Variants in PKHD1L1 observed in about 807,000 individuals in gnomAD.
PKHD1L1 encodes the protein PKHD1 like 1, also known as fibrocystin-L.
A neutral mutation model predicts 462.9 loss-of-function variants in PKHD1L1; 434 were observed. The observed-to-expected ratio is 0.94, with a 90% CI of 0.87 to 1.02. The LOEUF (loss-of-function observed/expected upper bound fraction) is 1.02, where lower values mean the gene tolerates loss of function less well. Ranked by LOEUF, PKHD1L1 falls within the 50% of genes least tolerant of loss-of-function variation. The pLI, the probability that PKHD1L1 is intolerant of heterozygous loss-of-function variation, is 0.00. For synonymous variants in PKHD1L1, 1,781 were observed against 1,750.0 expected, an observed-to-expected ratio of 1.02 and a Z score of -0.44; for missense variants, 5,202 against 5,096.1, an observed-to-expected ratio of 1.02 and a Z score of -0.63.
At chr8:109,450,108 A>G (rs1388327079) in intron 40 of PKHD1L1, among the ~76,000 whole-genome samples, 1 of 152,186 alleles carries the variant, frequency 6.6e-6, no homozygotes, top group Non-Finnish European at 1.5e-5. Flanking sequence ...CAATTTTGTT[A>G]CTTACTGTGT....
intron 38 of PKHD1L1, among the ~76,000 whole-genome samples, chr8:109,446,236 TCTTCGAGCTATTAGAATG>T (rs1816130278): frequency 6.6e-6 from 1 of 152,208 alleles, no homozygotes; most frequent in Non-Finnish European, 1.5e-5. Context: ...TTTCTGATTA[TCTTCGAGCTATTAGAATG>T]CTTCGAGCTA....
At chr8:109,477,046 T>C (rs1237209495) in intron 52 of PKHD1L1, among the ~76,000 whole-genome samples, 179 bp from the exon 53 acceptor site, 1 of 152,172 alleles carries the variant, frequency 6.6e-6, no homozygotes, top group Non-Finnish European at 1.5e-5. Flanking sequence ...TCAAGATATT[T>C]TGACCGTGTA....
chr8:109,530,079 G>T lies in PKHD1L1; in HGVS notation c.12722-1G>T. 7.4e-7 allele frequency: 1 copy of T among 1,355,602 alleles called. No homozygotes were observed. Among genetic ancestry groups the T allele is most frequent in the Non-Finnish European group, 9.7e-7 (1 of 1,031,566 alleles). 84.0% of individuals were successfully genotyped at this position (1,355,602 alleles called of 1,614,324 possible). ...TGTTTTGTATTGTTTCCATTTTTCAGGAAGCTACTAAAGTGCTGTTCCGAA... is the reference window on the plus strand; with the variant it reads ...TGTTTTGTATTGTTTCCATTTTTCATGAAGCTACTAAAGTGCTGTTCCGAA... On this transcript the variant is annotated splice_acceptor_variant, in intron 77 of 77. Transcript: ENST00000378402. LOFTEE classifies it high-confidence loss of function.
intron 22 of PKHD1L1, among the ~76,000 whole-genome samples, chr8:109,419,510 G>T (rs919771821): frequency 5.3e-5 from 8 of 151,994 alleles, no homozygotes; most frequent in Non-Finnish European, 1.0e-4. Context: ...CCAGGATTTT[G>T]TTTATGGATA....
intron 18 of PKHD1L1, 58 bp downstream of exon 18, chr8:109,408,264 T>C (rs1259835768): frequency 2.9e-5 from 42 of 1,461,006 alleles, no homozygotes; most frequent in Non-Finnish European, 3.7e-5. Flanking sequence ...ACATCATTCA[T>C]GGGCCATTTG....
chr8:109,452,865 C>A lies in PKHD1L1; in HGVS notation c.6655C>A (p.Leu2219Ile). 6.9e-7 allele frequency: 1 copy of A among 1,440,218 alleles called. No homozygotes were observed. The highest frequency in any genetic ancestry group is 1.7e-5 in the South Asian group (1 of 60,288). The allele number at this position is 1,440,218 out of a possible 1,614,324, so 89.2% of individuals were successfully genotyped here. A position where few individuals can be genotyped will look rare whatever the true frequency, so the allele number is the denominator to read the frequency against. The change falls in exon 43 of 78, where the codon CTT (leucine) becomes ATT (isoleucine). Residue 2219 changes from leucine to isoleucine, a missense_variant. Leu to Ile is a conservative substitution (Grantham distance 5). Coordinates refer to ENST00000378402, the MANE Select transcript of PKHD1L1 (RefSeq NM_177531.6). Reference sequence around the variant, plus strand: ...AAGCACCCCTATTTTGAAAATGTTGCTTATTCAGGGTAAATTTCTGAATAT... The same window carrying A: ...AAGCACCCCTATTTTGAAAATGTTGATTATTCAGGGTAAATTTCTGAATAT... Reference protein sequence around the residue: ...DQSTPILKMLLIQGGTLIFDE... With the variant: ...DQSTPILKMLIIQGGTLIFDE...
intron 2 of PKHD1L1, among the ~76,000 whole-genome samples, chr8:109,380,963 T>C (rs1812079128): frequency 1.3e-5 from 2 of 152,164 alleles, no homozygotes. Flanking sequence ...AGGCTCACAG[T>C]AGGCTCTCTG....
At chr8:109,393,127 A>G (rs1387166652) in intron 9 of PKHD1L1, among the ~76,000 whole-genome samples, 1 of 152,192 alleles carries the variant, frequency 6.6e-6, no homozygotes, top group East Asian at 1.9e-4. Flanking sequence ...TTGGGAAATC[A>G]GCCAAAAGGC....
intron 6 of PKHD1L1, among the ~76,000 whole-genome samples, chr8:109,386,358 C>T (rs1812443004): frequency 6.6e-6 from 1 of 151,958 alleles, no homozygotes; most frequent in African/African-American, 2.4e-5. Context: ...TTATGGCTTT[C>T]AAGATATTTT....
At chr8:109,526,101 G>A (rs1380812128) in intron 76 of PKHD1L1, among the ~76,000 whole-genome samples, 1 of 152,068 alleles carries the variant, frequency 6.6e-6, no homozygotes, top group Non-Finnish European at 1.5e-5. Context: ...TCAAAACTGT[G>A]GGAAGATTTA....
intron 11 of PKHD1L1, among the ~76,000 whole-genome samples, chr8:109,396,638 T>A (rs1026742107): frequency 2.6e-5 from 4 of 152,240 alleles, no homozygotes; most frequent in African/African-American, 7.2e-5. Context: ...GAGTTATCTG[T>A]TTACAAATCC....
chr8:109,502,997 C>T (rs1673421), intron 67 of PKHD1L1, among the ~76,000 whole-genome samples: 2 of 151,992 alleles, frequency 1.3e-5, no homozygotes, highest in African/African-American at 2.4e-5. Flanking sequence ...AGTGGCTAAA[C>T]GCAATTCTTT....
intron 71 of PKHD1L1, among the ~76,000 whole-genome samples, chr8:109,512,737 T>C (rs1820060403): frequency 6.6e-6 from 1 of 152,188 alleles, no homozygotes; most frequent in Non-Finnish European, 1.5e-5. Flanking sequence ...GTGAAGAAAG[T>C]CATTGGCAGC....
In PKHD1L1 at chr8:109,457,892, C is replaced by T. The variant is rs545428348; in HGVS notation, c.7004+1501C>T. The stretch of plus-strand genomic sequence containing the variant: ...GCTAATCTAAGGCCTTTTTGCATAC[C>T]GCCTGTGAGATCTTGTACCACTGGT... On this transcript the variant is annotated intron_variant, in intron 46 of 77. Coordinates refer to ENST00000378402, the MANE Select transcript of PKHD1L1 (RefSeq NM_177531.6). 1.1e-3 allele frequency among the ~76,000 whole-genome samples: 161 copies of T among 151,990 alleles called. 1 individual carries two copies. The highest frequency in any genetic ancestry group is 3.8e-3 in the African/African-American group (156 of 41,478).
chr8:109,518,400 A>G lies in PKHD1L1; in HGVS notation c.11923A>G (p.Ile3975Val). The change falls in exon 73 of 78, where the codon ATC becomes GTC. Residue 3975 changes from isoleucine (I) to valine (V), a missense_variant. By Grantham distance (29) the Ile-to-Val change is conservative (BLOSUM62 3). Around this residue, in one of 3 missense-constraint regions of PKHD1L1, gnomAD observed 698 missense variants for 736.3 expected, o/e 0.95. Coordinates refer to ENST00000378402, the MANE Select transcript of PKHD1L1 (RefSeq NM_177531.6). Reference sequence around the variant, plus strand: ...AAAGATACCAAGTGACAAAATCCGTATCAGCAAAATAAGAGGGAAGAGTCT... The same window carrying G: ...AAAGATACCAAGTGACAAAATCCGTGTCAGCAAAATAAGAGGGAAGAGTCT... Reference protein sequence around the residue: ...FLKIPSDKIRISKIRGKSLRR... With the variant: ...FLKIPSDKIRVSKIRGKSLRR... 1 of 1,613,176 alleles carries G rather than the reference A, an allele frequency of 6.2e-7. No individual in the cohort carries two copies.
Position 109,406,410 on chromosome 8 carries a change from C to T in PKHD1L1, c.1745C>T (p.Thr582Ile), listed in dbSNP as rs1427043216. The change falls in exon 17 of 78, where the codon ACA becomes ATA. Residue 582 changes from threonine (T) to isoleucine (I), a missense_variant. Physicochemically the swap from Thr to Ile is moderately conservative, Grantham distance 89. Transcript: ENST00000378402. Reference sequence around the variant, plus strand: ...GACCTCTGGTCTATAAAACCGGACACAGTTCAAGTAATAAGAACACAAAAT... The same window carrying T: ...GACCTCTGGTCTATAAAACCGGACATAGTTCAAGTAATAAGAACACAAAAT... ...LNDLWSIKPD[T>I]VQVIRTQNPQ... is the part of the protein sequence containing the mutation. 6.3e-7 allele frequency: 1 copy of T among 1,588,918 alleles called. No homozygotes were observed. The highest frequency in any genetic ancestry group is 8.6e-7 in the Non-Finnish European group (1 of 1,166,732).
chr8:109,435,773 C>T (rs1344619528), intron 29 of PKHD1L1, among the ~76,000 whole-genome samples: 1 of 152,182 alleles, frequency 6.6e-6, no homozygotes, highest in Non-Finnish European at 1.5e-5. Flanking sequence ...AAGAACATAA[C>T]ACATTTTTCC....
intron 76 of PKHD1L1, among the ~76,000 whole-genome samples, 182 bp from the exon 77 acceptor site, chr8:109,526,602 T>A (rs377089207): frequency 1.3e-5 from 2 of 152,354 alleles, no homozygotes; most frequent in East Asian, 3.9e-4. Context: ...GATAGAACTC[T>A]TCTAACTCTG....
intron 18 of PKHD1L1, 79 bp downstream of exon 18, chr8:109,408,285 G>A: frequency 4.7e-6 from 6 of 1,289,460 alleles, no homozygotes; most frequent in Non-Finnish European, 6.2e-6. Context: ...TAGACAGATG[G>A]GAAAGAGATG....
Sources: allele counts gnomAD v4.1 joint callset (sites outside exome capture counted in the v4.1 genomes callset), GRCh38; gene constraint gnomAD v4.1.1; regional missense constraint gnomAD v4.1.1; transcripts MANE v1.5; gene names NCBI Gene and HGNC (gene_info 2026-07-23, HGNC 2026-07-21).